The following ITPR2 variants were observed in gnomAD, a reference collection of about 807,000 sequenced individuals.
The protein encoded by ITPR2 is inositol 1,4,5-trisphosphate-gated calcium channel ITPR2.
A neutral mutation model predicts 317.1 loss-of-function variants in ITPR2; 207 were observed. The ratio of observed to expected loss-of-function variants is 0.65; its 90% CI spans 0.58 to 0.73. ITPR2 has a LOEUF of 0.73. ITPR2 is among the 30% of genes least tolerant of loss of function. ITPR2 has a pLI of 0.00. For synonymous variants in ITPR2, 1,156 were observed against 1,149.1 expected (o/e 1.01, Z -0.12); for missense variants, 2,613 against 3,284.0 (o/e 0.80, Z 4.99).
intron 1 of ITPR2, among the ~76,000 whole-genome samples, chr12:26,798,396 G>A (rs550436960): frequency 1.4e-4 from 21 of 152,184 alleles, no homozygotes; most frequent in Non-Finnish European, 2.5e-4. Context: ...CTTCACTAGC[G>A]CCCTCTGACA....
At chr12:26,631,790 G>C in intron 22 of ITPR2, 76 bp downstream of exon 22, 1 of 1,279,318 alleles carries the variant, frequency 7.8e-7, no homozygotes, top group Non-Finnish European at 1.1e-6. Flanking sequence ...ACAGTGATTT[G>C]GAACAAAAAG....
Position 26,387,490 on chromosome 12 carries a change from C to T in ITPR2, c.7801G>A (p.Val2601Ile), listed in dbSNP as rs1939699390. The change falls in exon 55 of 57, where the codon GTT (valine) becomes ATT (isoleucine). Residue 2601 changes from valine (V) to isoleucine (I), a missense_variant. By Grantham distance (29) the Val-to-Ile change is conservative. Transcript: ENST00000381340. ...HYLYFIVLVKVKDPTEYTGPE... is the reference protein window; with the variant it reads ...HYLYFIVLVKIKDPTEYTGPE... ...CCAGTGTATTCTGTTGGGTCTTTAA[C>T]TTTCACCAGGACTATGAAGTACAAA... The T allele has an allele frequency of 6.2e-7, 1 of 1,613,794 alleles. No homozygotes were observed. Among genetic ancestry groups the T allele is most frequent in the East Asian group, 2.2e-5 (1 of 44,850 alleles).
At chr12:26,495,868 T>C (rs1367414105) in intron 37 of ITPR2, among the ~76,000 whole-genome samples, 1 of 152,160 alleles carries the variant, frequency 6.6e-6, no homozygotes, top group Non-Finnish European at 1.5e-5. Context: ...ACTCAAAAAA[T>C]TAACCTTGAT....
intron 1 of ITPR2, among the ~76,000 whole-genome samples, chr12:26,811,227 A>G (rs566002705): frequency 6.6e-6 from 1 of 152,352 alleles, no homozygotes; most frequent in Non-Finnish European, 1.5e-5. Context: ...AACACAAAAT[A>G]AAATCAAGAA....
At position 26,762,907 on chromosome 12, in the gene ITPR2, G is replaced by A. The variant is rs577689443; in HGVS notation, c.163+27250C>T. 1.5e-4 allele frequency among the ~76,000 whole-genome samples: 23 copies of A among 152,168 alleles called. No homozygotes were observed. In the East Asian group the frequency reaches 4.2e-3, roughly 28 times the overall value. On this transcript the variant is annotated intron_variant, in intron 2 of 56. Transcript: ENST00000381340. ...TCTACACTTTAACTTATCCTGGGAG[G>A]AGAAGTTAGTGTAGAGTTTTTGTAT... is the stretch of plus-strand genomic sequence containing the variant.
At chr12:26,503,455 G>A (rs939632032) in intron 37 of ITPR2, among the ~76,000 whole-genome samples, 2 of 152,154 alleles carry the variant, frequency 1.3e-5, no homozygotes, top group Admixed American at 6.5e-5. Context: ...CAACTCCAAA[G>A]GGAAACCTTG....
intron 55 of ITPR2, among the ~76,000 whole-genome samples, chr12:26,367,131 C>A (rs543105937): frequency 2.4e-4 from 36 of 152,232 alleles, no homozygotes; most frequent in African/African-American, 8.4e-4. Flanking sequence ...TAGATATATA[C>A]TTTTATCTCT....
intron 45 of ITPR2, among the ~76,000 whole-genome samples, chr12:26,445,136 G>A (rs1384547579): frequency 6.6e-6 from 1 of 152,104 alleles, no homozygotes; most frequent in African/African-American, 2.4e-5. Context: ...TGGATCTGGG[G>A]CATGAAAGAA....
At position 26,387,539 on chromosome 12, in the gene ITPR2, C is replaced by T. The variant is rs762675681; in HGVS notation, c.7752G>A (p.Lys2584=). ...AATAATGCCACATATTGTGTTCTGA[C>T]TTAATGTGCTCCTCAAATGAAACCG... ...NKTVSFEEHI[K]SEHNMWHYLY... The change falls in exon 55 of 57, where the codon AAG becomes AAA. Residue 2584 remains lysine (K), a synonymous_variant. Coordinates refer to ENST00000381340, the MANE Select transcript of ITPR2 (RefSeq NM_002223.4). 1 of 1,613,820 alleles carries T rather than the reference C, an allele frequency of 6.2e-7. No homozygotes were observed.
At chr12:26,460,075 A>G (rs1210635135) in intron 45 of ITPR2, among the ~76,000 whole-genome samples, 1 of 152,190 alleles carries the variant, frequency 6.6e-6, no homozygotes, top group Admixed American at 6.5e-5. Context: ...TCAGCTACAG[A>G]TGAAGTGGTT....
chr12:26,484,937 G>A (rs939038925), intron 41 of ITPR2, among the ~76,000 whole-genome samples: 2 of 152,058 alleles, frequency 1.3e-5, no homozygotes, highest in South Asian at 4.1e-4. Context: ...GGATGGTCTC[G>A]ATCTCCTGGC....
chr12:26,643,910 T>C (rs1358864935), intron 21 of ITPR2, among the ~76,000 whole-genome samples: 1 of 152,196 alleles, frequency 6.6e-6, no homozygotes, highest in African/African-American at 2.4e-5. Context: ...CTATCCATAT[T>C]GAAAAACATG....
In ITPR2 at chr12:26,692,686, T is replaced by G. The variant is rs537660541; in HGVS notation, c.996+2920A>C. Among the ~76,000 whole-genome samples the G allele has an allele frequency of 3.3e-5, 5 of 152,326 alleles. No homozygotes were observed. The East Asian group carries it at 9.6e-4, about 29-fold the overall frequency. On this transcript the variant is annotated intron_variant, in intron 10 of 56. Coordinates refer to ENST00000381340, the MANE Select transcript of ITPR2 (RefSeq NM_002223.4). Reference sequence around the variant, plus strand: ...TAGAATAAATACAGCAATTTGTGTCTTAATGGGAGCTCTGACACACACCGC... The same window carrying G: ...TAGAATAAATACAGCAATTTGTGTCGTAATGGGAGCTCTGACACACACCGC...
At chr12:26,757,040 G>C (rs1038931748) in intron 2 of ITPR2, among the ~76,000 whole-genome samples, 1 of 152,166 alleles carries the variant, frequency 6.6e-6, no homozygotes, top group African/African-American at 2.4e-5. Context: ...CCAGTGCCGT[G>C]ACAGTTTACA....
intron 34 of ITPR2, among the ~76,000 whole-genome samples, chr12:26,569,067 C>T (rs1193156984): frequency 6.6e-6 from 1 of 152,072 alleles, no homozygotes; most frequent in East Asian, 1.9e-4. Context: ...CCAGATAGCT[C>T]ACAATTTTAA....
chr12:26,577,822 T>G (rs1163358386), intron 34 of ITPR2, among the ~76,000 whole-genome samples: 3 of 152,200 alleles, frequency 2.0e-5, no homozygotes, highest in African/African-American at 7.2e-5. Flanking sequence ...ATTTATTCAT[T>G]TCTCACATAT....
intron 37 of ITPR2, among the ~76,000 whole-genome samples, chr12:26,501,023 A>G (rs1480636249): frequency 2.6e-5 from 4 of 152,234 alleles, no homozygotes; most frequent in African/African-American, 7.2e-5. Flanking sequence ...AAACACAACC[A>G]GCATCCTAGA....
intron 2 of ITPR2, among the ~76,000 whole-genome samples, chr12:26,761,002 G>A (rs1467985016): frequency 3.3e-5 from 5 of 152,024 alleles, no homozygotes; most frequent in African/African-American, 1.2e-4. Context: ...TTCTAACCTG[G>A]CTCCCATAGG....
intron 37 of ITPR2, among the ~76,000 whole-genome samples, chr12:26,522,345 T>C (rs1943688076): frequency 6.6e-6 from 1 of 152,230 alleles, no homozygotes; most frequent in South Asian, 2.1e-4. Flanking sequence ...CCAATCCTGA[T>C]CTTAAATCAC....
Sources: allele counts gnomAD v4.1 joint callset (sites outside exome capture counted in the v4.1 genomes callset), GRCh38; gene constraint gnomAD v4.1.1; transcripts MANE v1.5; gene names NCBI Gene and HGNC (gene_info 2026-07-23, HGNC 2026-07-21).